The following DCP2 variants were observed in gnomAD, a reference collection of about 807,000 sequenced individuals.
DCP2 encodes decapping mRNA 2, also known as m7GpppN-mRNA hydrolase.
Under a neutral mutation model 56.1 loss-of-function variants are expected in DCP2, and 30 were observed. That is an observed-to-expected ratio of 0.53 (90% CI 0.40 to 0.73). The LOEUF is 0.73. Ranked by LOEUF, DCP2 falls within the 30% of genes least tolerant of loss-of-function variation. The probability of loss-of-function intolerance (pLI) is 0.00; values close to 1 mark genes in which losing one functional copy is unlikely to be tolerated. For missense variants in DCP2, 533 were observed against 502.7 expected, an observed-to-expected ratio of 1.06 and a Z score of -0.58; for synonymous variants, 197 against 163.3, an observed-to-expected ratio of 1.21 and a Z score of -1.57.
At chr5:113,009,430 A>G (rs549700098) in intron 9 of DCP2, among the ~76,000 whole-genome samples, 1 of 152,336 alleles carries the variant, frequency 6.6e-6, no homozygotes, top group South Asian at 2.1e-4. Context: ...TGTAAATTGA[A>G]ATGAGTTACA....
intron 1 of DCP2, among the ~76,000 whole-genome samples, chr5:112,978,534 C>G (rs931889742): frequency 6.6e-6 from 1 of 152,142 alleles, no homozygotes; most frequent in Non-Finnish European, 1.5e-5. Context: ...TTTTAAACCT[C>G]ACAAAAGTAC....
At chr5:112,989,737 T>A (rs1009820318) in intron 2 of DCP2, among the ~76,000 whole-genome samples, 7 of 152,358 alleles carry the variant, frequency 4.6e-5, no homozygotes, top group South Asian at 2.1e-4. Context: ...ATTTGCTTAT[T>A]TCTCCGTATA....
At chr5:112,990,683 C>A (rs1224092227) in intron 2 of DCP2, among the ~76,000 whole-genome samples, 2 of 152,156 alleles carry the variant, frequency 1.3e-5, no homozygotes, top group African/African-American at 4.8e-5. Flanking sequence ...CTCAAGCATT[C>A]CTCCTGCTTT....
intron 4 of DCP2, among the ~76,000 whole-genome samples, chr5:112,997,401 T>C (rs996123105): frequency 7.2e-5 from 11 of 152,208 alleles, no homozygotes; most frequent in African/African-American, 2.7e-4. Flanking sequence ...AGATTTAATA[T>C]ATCGTTCCTT....
At chr5:113,010,614 G>C in intron 9 of DCP2, 142 bp from the exon 10 acceptor site, 2 of 1,014,446 alleles carry the variant, frequency 2.0e-6, no homozygotes, top group Non-Finnish European at 2.7e-6. Context: ...ATACTGGTGA[G>C]AGAATGGGAT....
At position 113,015,359 on chromosome 5, in the gene DCP2, G is replaced by A. The variant is rs1284243204; in HGVS notation, c.*1875G>A. 2.0e-5 allele frequency: 3 copies of A among 151,114 alleles called. No homozygotes were observed. Among genetic ancestry groups the A allele is most frequent in the Non-Finnish European group, 4.4e-5 (3 of 67,768 alleles). 9.4% of individuals were successfully genotyped at this position (151,114 alleles called of 1,614,324 possible). A position where few individuals can be genotyped will look rare whatever the true frequency, so the allele number is the denominator to read the frequency against. On this transcript the variant is annotated 3_prime_UTR_variant, in exon 11 of 11. Coordinates refer to ENST00000389063, the MANE Select transcript of DCP2 (RefSeq NM_152624.6). ...TTACTGTTTTTTATTTTTTTGGTATGTGTTTTTTTTTTTCTTTTTAAGTGC... is the reference window on the plus strand; with the variant it reads ...TTACTGTTTTTTATTTTTTTGGTATATGTTTTTTTTTTTCTTTTTAAGTGC...
At chr5:113,006,220 C>T (rs1255257970) in intron 8 of DCP2, among the ~76,000 whole-genome samples, 1 of 151,732 alleles carries the variant, frequency 6.6e-6, no homozygotes, top group Non-Finnish European at 1.5e-5. Context: ...GGATAAATAT[C>T]GTATTAATGT....
intron 1 of DCP2, among the ~76,000 whole-genome samples, chr5:112,985,247 T>C (rs1465464732): frequency 6.6e-6 from 1 of 152,182 alleles, no homozygotes; most frequent in Admixed American, 6.5e-5. Flanking sequence ...TATATTAATA[T>C]AAATGTATAT....
At chr5:112,981,263 A>G (rs373312791) in intron 1 of DCP2, among the ~76,000 whole-genome samples, 73 of 151,836 alleles carry the variant, frequency 4.8e-4, no homozygotes, top group African/African-American at 1.5e-3. Flanking sequence ...TCCTGCCTCA[A>G]CCTCCCAAAG....
At chr5:112,994,008 G>T (rs1459816969) in intron 4 of DCP2, among the ~76,000 whole-genome samples, 2 of 151,716 alleles carry the variant, frequency 1.3e-5, no homozygotes, top group Admixed American at 1.3e-4. Context: ...TGTTGCCCAG[G>T]CTGGGTTTGA....
chr5:112,992,360 T>G, intron 3 of DCP2, 112 bp downstream of exon 3: 3 of 1,372,024 alleles, frequency 2.2e-6, no homozygotes, highest in Non-Finnish European at 2.9e-6. Context: ...TACTTAGATT[T>G]TTAGTGCTAA....
intron 9 of DCP2, among the ~76,000 whole-genome samples, chr5:113,009,549 T>C (rs1283655130): frequency 1.3e-5 from 2 of 152,214 alleles, no homozygotes; most frequent in East Asian, 3.8e-4. Context: ...GAGAGGACTT[T>C]GCTATATCAA....
At chr5:112,982,168 G>A (rs1330361752) in intron 1 of DCP2, among the ~76,000 whole-genome samples, 1 of 142,986 alleles carries the variant, frequency 7.0e-6, no homozygotes, top group East Asian at 2.0e-4. Context: ...CTATGATTCT[G>A]TTGTACATGT....
chr5:112,978,697 G>A (rs1031072997), intron 1 of DCP2, among the ~76,000 whole-genome samples: 2 of 147,004 alleles, frequency 1.4e-5, no homozygotes, highest in South Asian at 2.2e-4. Flanking sequence ...AAAAAAAAAA[G>A]GAAAAAGAAA....
intron 7 of DCP2, among the ~76,000 whole-genome samples, chr5:113,001,996 C>T (rs187624531): frequency 3.7e-4 from 56 of 152,268 alleles, no homozygotes; most frequent in African/African-American, 1.3e-3. Context: ...TCATATCCTA[C>T]TTTTAAGATA....
chr5:113,020,898 A>G lies in DCP2; in HGVS notation c.*7414A>G, dbSNP rs997872193. 1.3e-5 allele frequency: 2 copies of G among 152,214 alleles called. No individual in the cohort carries two copies. The highest frequency in any genetic ancestry group is 2.9e-5 in the Non-Finnish European group (2 of 68,036). 9.4% of individuals were successfully genotyped at this position (152,214 alleles called of 1,614,324 possible). A position where few individuals can be genotyped will look rare whatever the true frequency, so the allele number is the denominator to read the frequency against. On this transcript the variant is annotated 3_prime_UTR_variant, in exon 11 of 11. Coordinates refer to ENST00000389063, the MANE Select transcript of DCP2 (RefSeq NM_152624.6). ...TCAGATACTGGCTTTCTGTAAAAACATCATTGTGTTAGATTGTTTGTAATG... is the reference window on the plus strand; with the variant it reads ...TCAGATACTGGCTTTCTGTAAAAACGTCATTGTGTTAGATTGTTTGTAATG...
intron 9 of DCP2, 79 bp downstream of exon 9, chr5:113,008,121 A>T (rs1254409152): frequency 1.0e-5 from 12 of 1,194,590 alleles, no homozygotes; most frequent in Non-Finnish European, 1.2e-5. Flanking sequence ...AAGCACAGGA[A>T]TGTTACTTGT....
intron 7 of DCP2, 25 bp downstream of exon 7, chr5:113,001,699 C>T: frequency 1.3e-6 from 2 of 1,587,204 alleles, no homozygotes; most frequent in South Asian, 2.2e-5. Context: ...TCATGGAATC[C>T]TGATTTTCTA....
rs1004259022 is a variant in DCP2 at position 112,996,519 on chromosome 5, T to C, written c.432+3749T>C. The stretch of plus-strand genomic sequence containing the variant: ...GCTTATTATGGCATTCATACAGTTA[T>C]ATTAATGTTGTTATTTTAGTATAAT... On this transcript the variant is annotated intron_variant, in intron 4 of 10. Transcript: ENST00000389063. 2.6e-5 allele frequency among the ~76,000 whole-genome samples: 4 copies of C among 152,346 alleles called. No homozygotes were observed. In the East Asian group the frequency reaches 5.8e-4, roughly 22 times the overall value.
Sources: allele counts gnomAD v4.1 joint callset (sites outside exome capture counted in the v4.1 genomes callset), GRCh38; gene constraint gnomAD v4.1.1; transcripts MANE v1.5; gene names NCBI Gene and HGNC (gene_info 2026-07-23, HGNC 2026-07-21).